Variants in PTPRD observed in about 807,000 individuals in gnomAD.
PTPRD encodes receptor-type tyrosine-protein phosphatase delta.
Under a neutral mutation model 214.5 loss-of-function variants are expected in PTPRD, and 34 were observed. That is an observed-to-expected ratio of 0.16 (90% CI 0.12 to 0.21). The LOEUF is 0.21. Ranked by LOEUF, PTPRD falls within the 10% of genes least tolerant of loss-of-function variation. PTPRD has a pLI of 1.00. For synonymous variants in PTPRD, 1,128 were observed against 845.7 expected, an observed-to-expected ratio of 1.33 and a Z score of -5.79; for missense variants, 2,545 against 2,398.7, an observed-to-expected ratio of 1.06 and a Z score of -1.27.
intron 3 of PTPRD, among the ~76,000 whole-genome samples, chr9:10,201,428 T>C (rs1412104775): frequency 6.6e-6 from 1 of 152,104 alleles, no homozygotes; most frequent in Non-Finnish European, 1.5e-5. Flanking sequence ...AAAGCATAGA[T>C]CTTGCTAGAT....
intron 11 of PTPRD, chr9:8,862,260 A>G (rs113988977): frequency 0.043 from 6,510 of 152,296 alleles, 350 homozygotes; most frequent in African/African-American, 0.12. Context: ...GGAGGCTGAG[A>G]CAGGAGAATT....
chr9:9,770,996 C>T (rs1025330343), intron 5 of PTPRD, among the ~76,000 whole-genome samples: 7 of 152,100 alleles, frequency 4.6e-5, no homozygotes, highest in African/African-American at 1.7e-4. Context: ...GTTTTGACTA[C>T]AATAAGAGGT....
intron 12 of PTPRD, among the ~76,000 whole-genome samples, chr9:8,663,406 C>A (rs1219334926): frequency 6.6e-6 from 1 of 150,632 alleles, no homozygotes; most frequent in East Asian, 1.9e-4. Flanking sequence ...ATATCACTGT[C>A]ACTGAATGTT....
At chr9:10,604,486 A>G (rs1044265424) in intron 2 of PTPRD, among the ~76,000 whole-genome samples, 3 of 151,816 alleles carry the variant, frequency 2.0e-5, no homozygotes, top group Non-Finnish European at 2.9e-5. Context: ...AAAGGAAGGA[A>G]TATCCTCCTG....
chr9:9,525,879 T>C (rs1265395362), intron 8 of PTPRD, among the ~76,000 whole-genome samples: 1 of 151,960 alleles, frequency 6.6e-6, no homozygotes, highest in Non-Finnish European at 1.5e-5. Flanking sequence ...TACAAATAGG[T>C]ATTCATCCAT....
intron 9 of PTPRD, among the ~76,000 whole-genome samples, chr9:9,393,018 T>A (rs1053505681): frequency 1.1e-4 from 17 of 152,126 alleles, no homozygotes; most frequent in African/African-American, 3.9e-4. Context: ...TCCTGTGTGA[T>A]GGGGCGGGAG....
chr9:8,891,380 C>T (rs2098538795), intron 11 of PTPRD, among the ~76,000 whole-genome samples: 1 of 151,874 alleles, frequency 6.6e-6, no homozygotes, highest in Admixed American at 6.6e-5. Context: ...GATCCGCCCG[C>T]CTCGGCCTCC....
chr9:10,582,229 G>T (rs912645761), intron 2 of PTPRD, among the ~76,000 whole-genome samples: 5 of 152,114 alleles, frequency 3.3e-5, no homozygotes, highest in Admixed American at 2.6e-4. Flanking sequence ...GAAGCAGCAT[G>T]AGCCATTATC....
intron 2 of PTPRD, among the ~76,000 whole-genome samples, chr9:10,398,706 T>A (rs2098218622): frequency 1.3e-5 from 2 of 152,096 alleles, no homozygotes; most frequent in African/African-American, 4.8e-5. Flanking sequence ...GTATTAGTAG[T>A]CGTGATAATA....
At chr9:8,918,003 G>A (rs910967599) in intron 11 of PTPRD, among the ~76,000 whole-genome samples, 4 of 152,158 alleles carry the variant, frequency 2.6e-5, no homozygotes, top group Non-Finnish European at 4.4e-5. Flanking sequence ...CATTAAGGGG[G>A]ATTTCGGGCC....
chr9:9,968,571 A>T (rs946563128), intron 4 of PTPRD, among the ~76,000 whole-genome samples: 2 of 152,128 alleles, frequency 1.3e-5, no homozygotes, highest in African/African-American at 4.8e-5. Context: ...AGCAGAGAGC[A>T]CCAAAAAGAG....
At chr9:9,029,277 G>A (rs1257982031) in intron 10 of PTPRD, among the ~76,000 whole-genome samples, 7 of 151,862 alleles carry the variant, frequency 4.6e-5, no homozygotes, top group Admixed American at 2.6e-4. Context: ...AAGCTATTGA[G>A]TAACTGTTGG....
intron 12 of PTPRD, among the ~76,000 whole-genome samples, chr9:8,679,769 T>A (rs2097514282): frequency 6.6e-6 from 1 of 152,080 alleles, no homozygotes; most frequent in Non-Finnish European, 1.5e-5. Flanking sequence ...TCTGTGTTCC[T>A]GCCTGCTGAG....
At chr9:10,168,895 G>T (rs1445061872) in intron 3 of PTPRD, among the ~76,000 whole-genome samples, 2 of 152,082 alleles carry the variant, frequency 1.3e-5, no homozygotes, top group Non-Finnish European at 2.9e-5. Flanking sequence ...TAGAAGTAGG[G>T]CAAACAGAAT....
intron 6 of PTPRD, among the ~76,000 whole-genome samples, chr9:9,737,625 T>G (rs1007275550): frequency 6.6e-6 from 1 of 152,158 alleles, no homozygotes; most frequent in Non-Finnish European, 1.5e-5. Flanking sequence ...CTGCCTTAAT[T>G]TAAAATATTT....
intron 2 of PTPRD, among the ~76,000 whole-genome samples, chr9:10,589,023 T>C (rs1233019076): frequency 2.0e-5 from 3 of 152,154 alleles, no homozygotes; most frequent in East Asian, 1.9e-4. Flanking sequence ...AAAATGAATA[T>C]ATATTTGCTC....
chr9:9,651,570 A>T (rs1222752307), intron 7 of PTPRD, among the ~76,000 whole-genome samples: 5 of 152,032 alleles, frequency 3.3e-5, no homozygotes, highest in Admixed American at 3.3e-4. Flanking sequence ...AAAGGACATG[A>T]TTGTGTTCTT....
At chr9:10,224,199 A>T (rs967008946) in intron 3 of PTPRD, among the ~76,000 whole-genome samples, 3 of 151,992 alleles carry the variant, frequency 2.0e-5, no homozygotes, top group African/African-American at 7.2e-5. Context: ...CCACTATATA[A>T]ATTATCTTAT....
Position 9,761,108 on chromosome 9 carries a change from T to G in PTPRD, c.-326+5702A>C, listed in dbSNP as rs953434957. ...ATAAAAACACGTATACAAATGCTTATACATTAGTGTAACAGACAAAAACTG... is the reference window on the plus strand; with the variant it reads ...ATAAAAACACGTATACAAATGCTTAGACATTAGTGTAACAGACAAAAACTG... On this transcript the variant is annotated intron_variant, in intron 6 of 45. Coordinates refer to ENST00000381196, the MANE Select transcript of PTPRD (RefSeq NM_002839.4). Among the ~76,000 whole-genome samples the G allele has an allele frequency of 4.6e-5, 7 of 152,344 alleles. No individual in the cohort carries two copies. The East Asian group carries it at 1.4e-3, about 29-fold the overall frequency.
Sources: allele counts gnomAD v4.1 joint callset (sites outside exome capture counted in the v4.1 genomes callset), GRCh38; gene constraint gnomAD v4.1.1; transcripts MANE v1.5; gene names NCBI Gene and HGNC (gene_info 2026-07-23, HGNC 2026-07-21).